SPON1: variants seen among roughly 807,000 people sequenced by gnomAD.
The protein encoded by SPON1 is spondin-1.
SPON1 carries 52 observed loss-of-function variants against 111.7 expected under a neutral mutation model. That is an observed-to-expected ratio of 0.47 (90% CI 0.37 to 0.59). SPON1 has a LOEUF of 0.59. Among genes scored for constraint, SPON1 ranks in the 20% least tolerant of loss-of-function variants. The probability of loss-of-function intolerance (pLI) is 0.00; values close to 1 mark genes in which losing one functional copy is unlikely to be tolerated. For missense variants in SPON1, 957 were observed against 1,068.5 expected (o/e 0.90, Z 1.46); for synonymous variants, 410 against 395.8 (o/e 1.04, Z -0.43).
intron 2 of SPON1, among the ~76,000 whole-genome samples, chr11:14,004,984 A>T (rs935636538): frequency 2.0e-5 from 3 of 151,938 alleles, no homozygotes; most frequent in African/African-American, 4.8e-5. Flanking sequence ...TTTAAAAAAA[A>T]TTTTTTTAGA....
chr11:14,083,543 A>G (rs1554922262), intron 5 of SPON1, among the ~76,000 whole-genome samples: 1 of 152,210 alleles, frequency 6.6e-6, no homozygotes, highest in African/African-American at 2.4e-5. Flanking sequence ...TTCTACTTTG[A>G]ATGGATCTTT....
rs558011094 is a variant in SPON1 at position 14,228,444 on chromosome 11, A to C, written c.826-14888A>C. ...AACCACAGCTGTGGGAGGCAGGGGA[A>C]GGAAGCAGGATGTGCAGAGGGAGAA... is the stretch of plus-strand genomic sequence containing the variant. On this transcript the variant is annotated intron_variant, in intron 6 of 15. Transcript: ENST00000576479. This position sits in a 1 kb window ranked among gnomAD's most constrained non-coding sequence, Gnocchi z 4.2. Among the ~76,000 whole-genome samples the C allele has an allele frequency of 3.3e-5, 5 of 152,324 alleles. No homozygotes were observed. Among genetic ancestry groups the C allele is most frequent in the Non-Finnish European group, 7.4e-5 (5 of 68,022 alleles).
chr11:14,252,193 C>T (rs1158933697), intron 7 of SPON1, among the ~76,000 whole-genome samples: 3 of 152,220 alleles, frequency 2.0e-5, no homozygotes, highest in Non-Finnish European at 4.4e-5. Flanking sequence ...CAAGGAACTC[C>T]CGGTCTAAGC....
At chr11:14,092,121 A>G (rs890012911) in intron 5 of SPON1, among the ~76,000 whole-genome samples, 3 of 152,136 alleles carry the variant, frequency 2.0e-5, no homozygotes, top group Admixed American at 6.5e-5. Flanking sequence ...AGCTGTTCCT[A>G]TTCGGCCATC....
At chr11:14,008,954 C>A (rs1288067697) in intron 2 of SPON1, among the ~76,000 whole-genome samples, 1 of 152,196 alleles carries the variant, frequency 6.6e-6, no homozygotes, top group Admixed American at 6.5e-5. Flanking sequence ...TCACCAACTT[C>A]TCCCCTTCTC....
chr11:13,983,711 G>C (rs1036366073), intron 2 of SPON1, among the ~76,000 whole-genome samples: 17 of 152,288 alleles, frequency 1.1e-4, no homozygotes, highest in African/African-American at 4.1e-4. Flanking sequence ...AGAAGGACTG[G>C]AGTGATCCTA....
At chr11:14,041,113 T>C (rs1554917228) in intron 2 of SPON1, among the ~76,000 whole-genome samples, 1 of 152,224 alleles carries the variant, frequency 6.6e-6, no homozygotes, top group African/African-American at 2.4e-5. Flanking sequence ...AAAAGGGTGT[T>C]TTAACATTTT....
chr11:13,979,382 G>A (rs1429490523), intron 1 of SPON1, among the ~76,000 whole-genome samples: 5 of 152,280 alleles, frequency 3.3e-5, no homozygotes, highest in Admixed American at 2.0e-4. Flanking sequence ...ATTTCCAAAT[G>A]AGTTCACATT....
chr11:14,259,421 CGGA>C lies in SPON1; in HGVS notation c.1636_1638del (p.Glu546del). Reference sequence around the variant, plus strand: ...GTGTGCACGCTGCCCACTGAGGAAACGGAGAAGTGCACGGTCAACGAGGAGTGC... The same window carrying C: ...GTGTGCACGCTGCCCACTGAGGAAACGAAGTGCACGGTCAACGAGGAGTGC... On this transcript the variant is annotated inframe_deletion, in exon 12 of 16. Coordinates refer to ENST00000576479, the MANE Select transcript of SPON1 (RefSeq NM_006108.4). The surrounding 1 kb of genome is among the most constrained non-coding windows in gnomAD (Gnocchi z 5.0). The C allele has an allele frequency of 6.2e-7, 1 of 1,610,608 alleles. No individual in the cohort carries two copies. Among genetic ancestry groups the C allele is most frequent in the Non-Finnish European group, 8.5e-7 (1 of 1,178,738 alleles).
Position 14,259,395 on chromosome 11 carries a change from C to T in SPON1, c.1608C>T (p.Ser536=), listed in dbSNP as rs782509527. 8.1e-6 allele frequency: 13 copies of T among 1,611,358 alleles called. No homozygotes were observed. The highest frequency in any genetic ancestry group is 6.7e-5 in the African/African-American group (5 of 74,862). Residue 536 remains serine (S), a synonymous_variant, in exon 12 of 16, where the codon TCC becomes TCT. Coordinates refer to ENST00000576479, the MANE Select transcript of SPON1 (RefSeq NM_006108.4). The surrounding 1 kb of genome is among the most constrained non-coding windows in gnomAD (Gnocchi z 5.0). ...TGAAGCAGTTCCCGGAGGACGGCTCCGTGTGCACGCTGCCCACTGAGGAAA... is the reference window on the plus strand; with the variant it reads ...TGAAGCAGTTCCCGGAGGACGGCTCTGTGTGCACGCTGCCCACTGAGGAAA... ...RYVKQFPEDG[S]VCTLPTEETE... is the part of the protein sequence containing the mutation.
intron 2 of SPON1, among the ~76,000 whole-genome samples, chr11:14,023,326 G>A (rs983311040): frequency 6.6e-6 from 1 of 152,188 alleles, no homozygotes; most frequent in South Asian, 2.1e-4. Flanking sequence ...AAGTTAGAAG[G>A]TTGTTGCAGT....
intron 5 of SPON1, among the ~76,000 whole-genome samples, chr11:14,084,729 G>A (rs1554922414): frequency 6.6e-6 from 1 of 152,150 alleles, no homozygotes; most frequent in Non-Finnish European, 1.5e-5. Flanking sequence ...GCCACACTGT[G>A]TTCCACAATG....
chr11:13,965,966 T>C (rs1405203595), intron 1 of SPON1, among the ~76,000 whole-genome samples: 4 of 152,168 alleles, frequency 2.6e-5, no homozygotes, highest in African/African-American at 9.7e-5. Flanking sequence ...GTCCACAGTA[T>C]TCCAGTTCAT....
At chr11:13,984,393 T>C (rs1198988276) in intron 2 of SPON1, among the ~76,000 whole-genome samples, 2 of 152,146 alleles carry the variant, frequency 1.3e-5, no homozygotes, top group Admixed American at 1.3e-4. Context: ...TTTCACTTAC[T>C]TGACATGAGA....
At chr11:14,264,494 T>G (rs1357333099) in intron 15 of SPON1, among the ~76,000 whole-genome samples, 1 of 152,110 alleles carries the variant, frequency 6.6e-6, no homozygotes, top group African/African-American at 2.4e-5. Flanking sequence ...GTACATCAAG[T>G]TTTCTGATTT....
At chr11:14,263,329 T>C (rs905260385) in intron 15 of SPON1, among the ~76,000 whole-genome samples, 1 of 152,194 alleles carries the variant, frequency 6.6e-6, no homozygotes, top group East Asian at 1.9e-4. Context: ...AAGTCAGTTA[T>C]GACTTAGCAA....
At chr11:13,994,842 GA>G (rs1848259266) in intron 2 of SPON1, among the ~76,000 whole-genome samples, 1 of 152,194 alleles carries the variant, frequency 6.6e-6, no homozygotes, top group Non-Finnish European at 1.5e-5. Context: ...ATAGTGGCCA[GA>G]ACACAGGATT....
At chr11:14,052,524 A>T (rs782230222) in intron 3 of SPON1, among the ~76,000 whole-genome samples, 5 of 152,228 alleles carry the variant, frequency 3.3e-5, no homozygotes, top group Non-Finnish European at 7.3e-5. Flanking sequence ...CTGACCAGGG[A>T]GGAAGCAAGG....
chr11:14,212,290 T>C (rs1554936819), intron 6 of SPON1, among the ~76,000 whole-genome samples: 1 of 152,212 alleles, frequency 6.6e-6, no homozygotes. Context: ...CCTTGCTTTT[T>C]GGGGATATTC....
Sources: allele counts gnomAD v4.1 joint callset (sites outside exome capture counted in the v4.1 genomes callset), GRCh38; gene constraint gnomAD v4.1.1; non-coding constraint Gnocchi (gnomAD v3.1); transcripts MANE v1.5; gene names NCBI Gene and HGNC (gene_info 2026-07-23, HGNC 2026-07-21).